The following LUZP2 variants were observed in gnomAD, a reference collection of about 807,000 sequenced individuals.
LUZP2 encodes the protein leucine zipper protein 2.
LUZP2 carries 52 observed loss-of-function variants against 51.6 expected under a neutral mutation model. The ratio of observed to expected loss-of-function variants is 1.01; its 90% CI spans 0.81 to 1.27. The LOEUF (loss-of-function observed/expected upper bound fraction) is 1.27, where lower values mean the gene tolerates loss of function less well. Ranked by LOEUF, LUZP2 falls within the 50% of genes most tolerant of loss-of-function variation. The pLI, the probability that LUZP2 is intolerant of heterozygous loss-of-function variation, is 0.00. For missense variants in LUZP2, 436 were observed against 395.4 expected (o/e 1.10, Z -0.87); for synonymous variants, 154 against 137.3 (o/e 1.12, Z -0.85).
At chr11:25,021,763 G>C (rs1857340529) in intron 9 of LUZP2, among the ~76,000 whole-genome samples, 1 of 129,984 alleles carries the variant, frequency 7.7e-6, no homozygotes, top group African/African-American at 3.3e-5. Flanking sequence ...AGCATTTGAA[G>C]AATGCAATAT....
intron 5 of LUZP2, among the ~76,000 whole-genome samples, chr11:24,796,309 T>G (rs1470946359): frequency 2.0e-5 from 3 of 152,152 alleles, no homozygotes; most frequent in Non-Finnish European, 4.4e-5. Context: ...ATGTTTAGCA[T>G]GTTCTACTTT....
At chr11:24,649,650 G>A (rs1161878012) in intron 1 of LUZP2, among the ~76,000 whole-genome samples, 1 of 151,778 alleles carries the variant, frequency 6.6e-6, no homozygotes, top group Non-Finnish European at 1.5e-5. Flanking sequence ...TTGGTACTGT[G>A]CCTTCAGTAA....
At chr11:24,918,952 A>G in intron 7 of LUZP2, among the ~76,000 whole-genome samples, 1 of 119,338 alleles carries the variant, frequency 8.4e-6, no homozygotes, top group Non-Finnish European at 1.8e-5. Context: ...CTATATATCC[A>G]TAATATGTAT....
chr11:24,930,530 A>G (rs1260733123), intron 7 of LUZP2, among the ~76,000 whole-genome samples: 1 of 152,162 alleles, frequency 6.6e-6, no homozygotes, highest in Non-Finnish European at 1.5e-5. Flanking sequence ...TGTTTTGTTT[A>G]AGGAGGCTAA....
intron 1 of LUZP2, among the ~76,000 whole-genome samples, chr11:24,516,390 G>C (rs1234240111): frequency 1.3e-5 from 2 of 152,084 alleles, no homozygotes; most frequent in African/African-American, 4.8e-5. Context: ...TCTGGGAATA[G>C]CCACCCAGGT....
intron 9 of LUZP2, among the ~76,000 whole-genome samples, chr11:25,007,990 G>A (rs1371430339): frequency 6.6e-6 from 1 of 152,184 alleles, no homozygotes; most frequent in Non-Finnish European, 1.5e-5. Context: ...AATTAACAAA[G>A]GTCTTCAAAT....
intron 1 of LUZP2, among the ~76,000 whole-genome samples, chr11:24,690,765 G>A (rs1276947040): frequency 6.6e-6 from 1 of 152,032 alleles, no homozygotes; most frequent in African/African-American, 2.4e-5. Flanking sequence ...AGCTTCTGGG[G>A]TTATGATTGG....
chr11:24,686,735 G>A (rs570063564), intron 1 of LUZP2, among the ~76,000 whole-genome samples: 63 of 152,146 alleles, frequency 4.1e-4, no homozygotes, highest in African/African-American at 1.2e-3. Flanking sequence ...TGAGAACAGC[G>A]ATTTCCAAAA....
chr11:24,952,757 CTT>C (rs1855113558), intron 7 of LUZP2, among the ~76,000 whole-genome samples: 1 of 151,874 alleles, frequency 6.6e-6, no homozygotes, highest in Admixed American at 6.6e-5. Flanking sequence ...TACTGTTTGA[CTT>C]ATATAAATTG....
chr11:24,572,079 C>A (rs1304217309), intron 1 of LUZP2, among the ~76,000 whole-genome samples: 4 of 151,856 alleles, frequency 2.6e-5, no homozygotes, highest in Non-Finnish European at 1.5e-5. Flanking sequence ...AAATAAAAAA[C>A]TACAACCAAG....
chr11:24,917,748 TA>T (rs1364900428), intron 7 of LUZP2, among the ~76,000 whole-genome samples: 1 of 152,316 alleles, frequency 6.6e-6, no homozygotes, highest in East Asian at 1.9e-4. Flanking sequence ...CCTTGTAGTA[TA>T]ACTTTAAGTC....
chr11:25,057,365 G>C (rs1858719533), intron 10 of LUZP2, among the ~76,000 whole-genome samples: 1 of 151,984 alleles, frequency 6.6e-6, no homozygotes, highest in South Asian at 2.1e-4. Context: ...CAGATTCCTT[G>C]TTCCTTTTTA....
At chr11:24,543,990 CAG>C (rs1311114853) in intron 1 of LUZP2, among the ~76,000 whole-genome samples, 1 of 152,052 alleles carries the variant, frequency 6.6e-6, no homozygotes, top group Non-Finnish European at 1.5e-5. Context: ...GCTTGCCACT[CAG>C]AGCCTGAAAA....
chr11:24,516,106 T>C (rs1353245675), intron 1 of LUZP2, among the ~76,000 whole-genome samples: 1 of 118,058 alleles, frequency 8.5e-6, no homozygotes, highest in Non-Finnish European at 1.8e-5. Flanking sequence ...TTATAGTAGA[T>C]TTTTTTTTTC....
At chr11:25,039,643 C>A (rs1376164656) in intron 9 of LUZP2, among the ~76,000 whole-genome samples, 1 of 152,162 alleles carries the variant, frequency 6.6e-6, no homozygotes, top group Non-Finnish European at 1.5e-5. Context: ...TGCCAGCTCA[C>A]ATGTCCATGG....
chr11:24,991,730 T>C (rs1047715532), intron 9 of LUZP2, among the ~76,000 whole-genome samples: 17 of 152,006 alleles, frequency 1.1e-4, no homozygotes. Flanking sequence ...CACAAACATC[T>C]ATTATTTTTT....
intron 1 of LUZP2, among the ~76,000 whole-genome samples, chr11:24,689,395 C>T (rs1856998743): frequency 1.3e-5 from 2 of 152,080 alleles, no homozygotes; most frequent in Non-Finnish European, 2.9e-5. Context: ...GGTCCTATAC[C>T]CATTAAACTC....
In LUZP2 at chr11:24,497,148, A is replaced by G. The variant is rs1395506969; in HGVS notation, c.-96A>G. 14 of 1,141,764 alleles carry G rather than the reference A, an allele frequency of 1.2e-5. No homozygotes were observed. Among genetic ancestry groups the G allele is most frequent in the Non-Finnish European group, 1.7e-5 (14 of 838,090 alleles). The allele number at this position is 1,141,764 out of a possible 1,614,324, so 70.7% of individuals were successfully genotyped here. On this transcript the variant is annotated 5_prime_UTR_variant, in exon 1 of 12. Coordinates refer to ENST00000336930, the MANE Select transcript of LUZP2 (RefSeq NM_001009909.4). The stretch of plus-strand genomic sequence containing the variant: ...TTTCCGCCTCGGAAGAGCGCTCATC[A>G]CTGGCTGGGGACAGAGCCGGGCACC...
At chr11:24,899,881 T>C (rs1853219420) in intron 5 of LUZP2, among the ~76,000 whole-genome samples, 1 of 152,168 alleles carries the variant, frequency 6.6e-6, no homozygotes, top group African/African-American at 2.4e-5. Flanking sequence ...AGCTAATAGA[T>C]AGAACAAAGA....
Sources: allele counts gnomAD v4.1 joint callset (sites outside exome capture counted in the v4.1 genomes callset), GRCh38; gene constraint gnomAD v4.1.1; transcripts MANE v1.5; gene names NCBI Gene and HGNC (gene_info 2026-07-23, HGNC 2026-07-21).